MIGA2: variants seen among roughly 807,000 people sequenced by gnomAD.
MIGA2 encodes the protein mitoguardin 2, also known as family with sequence similarity 73, member B.
In MIGA2, 36 loss-of-function variants were observed where a neutral mutation model predicts 69.9. The observed-to-expected ratio is 0.52, with a 90% CI of 0.39 to 0.68. The LOEUF is 0.68. Among genes scored for constraint, MIGA2 ranks in the 30% least tolerant of loss-of-function variants. The pLI, the probability that MIGA2 is intolerant of heterozygous loss-of-function variation, is 0.00. For missense variants in MIGA2, 660 were observed against 787.7 expected (o/e 0.84, Z 1.94); for synonymous variants, 333 against 349.2 (o/e 0.95, Z 0.52).
chr9:129,044,844 G>A (rs1397603477), intron 3 of MIGA2, among the ~76,000 whole-genome samples: 2 of 151,922 alleles, frequency 1.3e-5, no homozygotes, highest in African/African-American at 2.4e-5. Flanking sequence ...TCCCGCCTTG[G>A]CCCCCCAAAG....
Position 129,057,386 on chromosome 9 carries a change from C to T in MIGA2, c.676-1768C>T, listed in dbSNP as rs550725284. ...TCGGCTCACTGCAAGCTCCCCCTCC[C>T]GGGTTCATGCCATCCTCCTGTCTCA... is the stretch of plus-strand genomic sequence containing the variant. On this transcript the variant is annotated intron_variant, in intron 6 of 15. Coordinates refer to ENST00000684074, the MANE Select transcript of MIGA2 (RefSeq NM_001329990.2). Among the ~76,000 whole-genome samples, 146 of 151,190 alleles carry T rather than the reference C, an allele frequency of 9.7e-4. 1 individual carries two copies. The highest frequency in any genetic ancestry group is 3.4e-3 in the East Asian group (17 of 5,048).
At chr9:129,041,443 G>A (rs961613893) in intron 2 of MIGA2, among the ~76,000 whole-genome samples, 6 of 152,114 alleles carry the variant, frequency 3.9e-5, no homozygotes, top group East Asian at 1.9e-4. Flanking sequence ...GCAGTGAGTC[G>A]AGATCGCACC....
At position 129,040,620 on chromosome 9, in the gene MIGA2, C is replaced by T. The variant is rs549699802; in HGVS notation, c.26C>T (p.Thr9Met). 1.1e-5 allele frequency: 17 copies of T among 1,613,276 alleles called. No homozygotes were observed. Among genetic ancestry groups the T allele is most frequent in the East Asian group, 6.7e-5 (3 of 44,850 alleles). MAFRRAEGTSMIQALAMTV... is the reference protein window; with the variant it reads MAFRRAEGMSMIQALAMTV... ...ATGGCGTTCCGGAGGGCCGAGGGCA[C>T]GTCTATGATCCAGGCCCTGGCCATG... Residue 9 changes from threonine to methionine, a missense_variant, in exon 2 of 16, where the codon ACG (threonine) becomes ATG (methionine). By Grantham distance (81) the Thr-to-Met change is moderately conservative. Transcript: ENST00000684074.
intron 9 of MIGA2, among the ~76,000 whole-genome samples, chr9:129,062,133 C>T (rs1365335375): frequency 2.0e-5 from 3 of 151,012 alleles, no homozygotes; most frequent in South Asian, 2.1e-4. Flanking sequence ...GATCCACCTG[C>T]CTTGGCCTCC....
chr9:129,046,484 G>C (rs1845230341), intron 3 of MIGA2, among the ~76,000 whole-genome samples: 1 of 149,404 alleles, frequency 6.7e-6, no homozygotes, highest in Non-Finnish European at 1.5e-5. Context: ...TGGAGACAGA[G>C]TCTTGCCCTG....
chr9:129,070,453 G>C lies in MIGA2; in HGVS notation c.1782G>C (p.Ter594TyrextTer27), dbSNP rs1383752034. The stretch of plus-strand genomic sequence containing the variant: ...ATGGGCCCCTGGGGGAGCTGCAGTA[G>C]AGGCGGCACGGGCTGGGGGGTGGCA... The part of the protein sequence containing the change: ...RENGPLGELQ[*>Y] The change falls in exon 16 of 16, where the codon TAG (stop) becomes TAC (tyrosine). Residue 594 changes from the stop codon to tyrosine, a stop_lost. Transcript: ENST00000684074. 1.3e-6 allele frequency: 2 copies of C among 1,562,216 alleles called. No homozygotes were observed. The highest frequency in any genetic ancestry group is 1.7e-6 in the Non-Finnish European group (2 of 1,151,182).
intron 1 of MIGA2, chr9:129,036,965 G>A: frequency 1.0e-6 from 1 of 1,003,218 alleles, no homozygotes; most frequent in African/African-American, 1.7e-5. Flanking sequence ...GAGAGCACCC[G>A]GGATGGAAGG....
intron 15 of MIGA2, 82 bp downstream of exon 15, chr9:129,070,047 G>A (rs945936450): frequency 1.6e-6 from 2 of 1,256,418 alleles, no homozygotes; most frequent in Non-Finnish European, 2.2e-6. Flanking sequence ...ATGGGATGAG[G>A]GCCTGGGCCT....
chr9:129,068,615 C>T lies in MIGA2; in HGVS notation c.1404+283C>T, dbSNP rs1846500812. The T allele has an allele frequency of 2.1e-6, 1 of 466,024 alleles. No individual in the cohort carries two copies. Among genetic ancestry groups the T allele is most frequent in the Non-Finnish European group, 3.9e-6 (1 of 257,924 alleles). The allele number at this position is 466,024 out of a possible 1,614,324, so 28.9% of individuals were successfully genotyped here. On this transcript the variant is annotated intron_variant, in intron 13 of 15. Transcript: ENST00000684074. The surrounding 1 kb of genome is among the most constrained non-coding windows in gnomAD (Gnocchi z 4.1). ...GAATTCGATTCCATTTTAATGCATC[C>T]TGTTAAATCAAGTTAAAAGAGGGGA... is the stretch of plus-strand genomic sequence containing the variant.
chr9:129,049,598 A>G, intron 5 of MIGA2, 100 bp downstream of exon 5: 1 of 1,296,050 alleles, frequency 7.7e-7, no homozygotes, highest in Non-Finnish European at 1.1e-6. Context: ...GCCCCTCACT[A>G]CCCTGCCCCA....
intron 2 of MIGA2, 109 bp downstream of exon 2, chr9:129,040,799 C>G: frequency 1.1e-6 from 1 of 914,640 alleles, no homozygotes; most frequent in Non-Finnish European, 1.6e-6. Context: ...TTTGCCAAAC[C>G]TCTGGTGTCT....
Position 129,060,727 on chromosome 9 carries a change from GGTCA to G in MIGA2, c.894+78_894+81del. The stretch of plus-strand genomic sequence containing the variant: ...CTGCAGGTCCATGGGGCCAGCACTG[GGTCA>G]TGGGAAAGTGGAGGCATTTCCTCTG... On this transcript the variant is annotated intron_variant, in intron 8 of 15. Coordinates refer to ENST00000684074, the MANE Select transcript of MIGA2 (RefSeq NM_001329990.2). This position sits in a 1 kb window ranked among gnomAD's most constrained non-coding sequence, Gnocchi z 4.8. 8.1e-7 allele frequency: 1 copy of G among 1,235,328 alleles called. No homozygotes were observed. Among genetic ancestry groups the G allele is most frequent in the Non-Finnish European group, 1.1e-6 (1 of 880,946 alleles). The allele number at this position is 1,235,328 out of a possible 1,614,324, so 76.5% of individuals were successfully genotyped here. A position where few individuals can be genotyped will look rare whatever the true frequency, so the allele number is the denominator to read the frequency against.
Position 129,061,244 on chromosome 9 carries a change from T to G in MIGA2, c.908T>G (p.Leu303Arg), listed in dbSNP as rs764204014. 8.1e-6 allele frequency: 13 copies of G among 1,611,314 alleles called. No individual in the cohort carries two copies. Among genetic ancestry groups the G allele is most frequent in the Non-Finnish European group, 1.1e-5 (13 of 1,179,290 alleles). Reference sequence around the variant, plus strand: ...ACCCTCTCCCAGCTCTTTGAGTCCCTGCAGACTGGAGATTACCCGATCCCA... The same window carrying G: ...ACCCTCTCCCAGCTCTTTGAGTCCCGGCAGACTGGAGATTACCCGATCCCA... The part of the protein sequence containing the change: ...FFSATELFES[L>R]QTGDYPIPLS... Residue 303 changes from leucine (L) to arginine (R), a missense_variant, in exon 9 of 16, where the codon CTG (leucine) becomes CGG (arginine). Leu to Arg is a moderately radical substitution (Grantham distance 102). Transcript: ENST00000684074. The surrounding 1 kb of genome is among the most constrained non-coding windows in gnomAD (Gnocchi z 5.0).
At position 129,061,529 on chromosome 9, in the gene MIGA2, C is replaced by T. The variant is rs1846069535; in HGVS notation, c.1010+183C>T. On this transcript the variant is annotated intron_variant, in intron 9 of 15. Transcript: ENST00000684074. The surrounding 1 kb of genome is among the most constrained non-coding windows in gnomAD (Gnocchi z 5.0). ...CAGCTGCAGAGGGCCTGGATGGACC[C>T]ATACTGGCAGGTCTGATACCAATAA... Among the ~76,000 whole-genome samples the T allele has an allele frequency of 6.6e-6, 1 of 152,166 alleles. No individual in the cohort carries two copies. Among genetic ancestry groups the T allele is most frequent in the African/African-American group, 2.4e-5 (1 of 41,442 alleles).
Position 129,049,428 on chromosome 9 carries a change from A to G in MIGA2, c.468A>G (p.Leu156=), listed in dbSNP as rs370374232. The G allele has an allele frequency of 6.4e-5, 103 of 1,613,436 alleles. No homozygotes were observed. Among genetic ancestry groups the G allele is most frequent in the Non-Finnish European group, 8.0e-5 (94 of 1,179,796 alleles). Residue 156 remains leucine, a synonymous_variant, in exon 5 of 16, where the codon CTA becomes CTG. Coordinates refer to ENST00000684074, the MANE Select transcript of MIGA2 (RefSeq NM_001329990.2). ...GCCCCACAGCCGCGTGCTCGGGACT[A>G]TGGGATGCCAGAGGGATGGAGGAGT... The part of the protein sequence containing the change: ...SSSPTAACSG[L]WDARGMEESL...
At chr9:129,037,080 G>A (rs1417531898) in intron 1 of MIGA2, 2 of 998,202 alleles carry the variant, frequency 2.0e-6, no homozygotes, top group Non-Finnish European at 2.4e-6. Context: ...GATGCCTGGG[G>A]TGGAGTGAGC....
chr9:129,042,474 C>T lies in MIGA2; in HGVS notation c.267C>T (p.Leu89=). 3 of 1,600,012 alleles carry T rather than the reference C, an allele frequency of 1.9e-6. No individual in the cohort carries two copies. The highest frequency in any genetic ancestry group is 2.6e-6 in the Non-Finnish European group (3 of 1,174,010). ...GGGAGCAGCTGGGCACGGTGCCCCTCCCTATCCTCTTGGCCAGGAAGGTCC... is the reference window on the plus strand; with the variant it reads ...GGGAGCAGCTGGGCACGGTGCCCCTTCCTATCCTCTTGGCCAGGAAGGTCC... The part of the protein sequence containing the change: ...MGGEQLGTVP[L]PILLARKVPS... The change falls in exon 3 of 16, where the codon CTC becomes CTT. Residue 89 remains leucine, a synonymous_variant. Coordinates refer to ENST00000684074, the MANE Select transcript of MIGA2 (RefSeq NM_001329990.2).
intron 10 of MIGA2, 111 bp downstream of exon 10, chr9:129,063,427 C>A: frequency 6.5e-7 from 1 of 1,543,004 alleles, no homozygotes; most frequent in Non-Finnish European, 8.8e-7. Context: ...CCTGCTCCCA[C>A]ACTGGGCTCC....
rs918018750 is a variant in MIGA2 at position 129,071,982 on chromosome 9, G to A, written c.*1529G>A. 1 of 152,738 alleles carries A rather than the reference G, an allele frequency of 6.5e-6. No individual in the cohort carries two copies. Among genetic ancestry groups the A allele is most frequent in the African/African-American group, 2.4e-5 (1 of 41,476 alleles). The allele number at this position is 152,738 out of a possible 1,614,324, so 9.5% of individuals were successfully genotyped here. On this transcript the variant is annotated 3_prime_UTR_variant, in exon 16 of 16. Transcript: ENST00000684074. ...CATTTGTGTTTGTTTACACATCCAT[G>A]CACTGCCTGTAGCAGTCGATTGTCA...
Sources: allele counts gnomAD v4.1 joint callset (sites outside exome capture counted in the v4.1 genomes callset), GRCh38; gene constraint gnomAD v4.1.1; non-coding constraint Gnocchi (gnomAD v3.1); transcripts MANE v1.5; gene names NCBI Gene and HGNC (gene_info 2026-07-23, HGNC 2026-07-21).